TRIP12: variants seen among roughly 807,000 people sequenced by gnomAD.
TRIP12 encodes the protein thyroid hormone receptor interactor 12.
TRIP12 carries 25 observed loss-of-function variants against 244.2 expected under a neutral mutation model. The ratio of observed to expected loss-of-function variants is 0.10; its 90% confidence interval spans 0.07 to 0.14. The LOEUF (loss-of-function observed/expected upper bound fraction) is 0.14. Among genes scored for constraint, TRIP12 ranks in the 10% least tolerant of loss-of-function variants. The pLI, the probability that TRIP12 is intolerant of heterozygous loss-of-function variation, is 1.00. For synonymous variants in TRIP12, 905 were observed against 873.1 expected (o/e 1.04, Z -0.64); for missense variants, 1,677 against 2,486.4 (o/e 0.67, Z 6.92).
intron 1 of TRIP12, among the ~76,000 whole-genome samples, chr2:229,897,459 C>A (rs1174528518): frequency 6.6e-6 from 1 of 152,072 alleles, no homozygotes; most frequent in African/African-American, 2.4e-5. Context: ...ACCAGCCTGG[C>A]CAATGTGGTG....
chr2:229,850,220 C>T (rs1323999860), intron 4 of TRIP12, among the ~76,000 whole-genome samples: 1 of 152,070 alleles, frequency 6.6e-6, no homozygotes, highest in Non-Finnish European at 1.5e-5. Flanking sequence ...CAAAGCAAAG[C>T]CTTGTTAACA....
At chr2:229,780,708 C>A (rs1385986193) in intron 34 of TRIP12, among the ~76,000 whole-genome samples, 7 of 152,184 alleles carry the variant, frequency 4.6e-5, no homozygotes. Flanking sequence ...ACTCAAATGT[C>A]CTCAGACTGC....
At chr2:229,818,876 G>A (rs1217900770) in intron 8 of TRIP12, among the ~76,000 whole-genome samples, 1 of 152,094 alleles carries the variant, frequency 6.6e-6, no homozygotes, top group African/African-American at 2.4e-5. Flanking sequence ...ATAAAAACCT[G>A]TTAAACAATG....
chr2:229,859,238 C>T lies in TRIP12; in HGVS notation c.561G>A (p.Arg187=), dbSNP rs1338878327. 1.9e-6 allele frequency: 3 copies of T among 1,614,148 alleles called. No homozygotes were observed. The highest frequency in any genetic ancestry group is 2.5e-6 in the Non-Finnish European group (3 of 1,180,024). ...TCTCTGTCCTTTTTCTTTTCTGACT[C>T]CGTGAACCGCCAGTGGCCCCACTCT... ...TRKSGATGGS[R]SQKRKRTESS... is the part of the protein sequence containing the mutation. Residue 187 remains arginine (R), a synonymous_variant, in exon 4 of 42, where the codon CGG becomes CGA. Coordinates refer to ENST00000675903, the MANE Select transcript of TRIP12 (RefSeq NM_001348323.3).
intron 21 of TRIP12, among the ~76,000 whole-genome samples, chr2:229,799,989 G>C (rs542634424): frequency 6.6e-6 from 1 of 152,206 alleles, no homozygotes; most frequent in Non-Finnish European, 1.5e-5. Context: ...TAGTATATAA[G>C]TACATAAAGC....
At chr2:229,873,670 T>A (rs1054483048) in intron 2 of TRIP12, among the ~76,000 whole-genome samples, 2 of 152,202 alleles carry the variant, frequency 1.3e-5, no homozygotes, top group African/African-American at 4.8e-5. Context: ...ATAGTTTTTT[T>A]AAGTGAAAAC....
intron 17 of TRIP12, among the ~76,000 whole-genome samples, chr2:229,806,615 T>C (rs1328875295): frequency 6.6e-6 from 1 of 152,256 alleles, no homozygotes; most frequent in African/African-American, 2.4e-5. Flanking sequence ...GAAGACGACT[T>C]AGAGTTAGAG....
chr2:229,860,211 T>A (rs943630381), intron 3 of TRIP12, among the ~76,000 whole-genome samples, 195 bp downstream of exon 3: 7 of 152,220 alleles, frequency 4.6e-5, no homozygotes, highest in Admixed American at 4.6e-4. Flanking sequence ...CATTTTATCA[T>A]TGACAAACTC....
chr2:229,897,006 T>C (rs963078834), intron 1 of TRIP12, among the ~76,000 whole-genome samples: 34 of 152,228 alleles, frequency 2.2e-4, no homozygotes, highest in African/African-American at 7.7e-4. Context: ...TCACTGACTG[T>C]AACAAATGTA....
chr2:229,857,431 C>A (rs914287169), intron 4 of TRIP12, among the ~76,000 whole-genome samples: 1 of 151,996 alleles, frequency 6.6e-6, no homozygotes, highest in South Asian at 2.1e-4. Flanking sequence ...CAGTTCAAGA[C>A]CAGCCTGACC....
chr2:229,858,705 T>A, intron 4 of TRIP12, 67 bp downstream of exon 4: 1 of 1,372,586 alleles, frequency 7.3e-7, no homozygotes, highest in Non-Finnish European at 9.9e-7. Context: ...CTTTAAAGCA[T>A]AATTGCTTTT....
At chr2:229,787,731 CTT>C in intron 32 of TRIP12, 70 bp from the exon 33 acceptor site, 1 of 1,367,922 alleles carries the variant, frequency 7.3e-7, no homozygotes, top group Non-Finnish European at 9.8e-7. Flanking sequence ...AAAATCCAAA[CTT>C]ATATTAGAAA....
At chr2:229,919,293 G>A (rs941522355) in intron 1 of TRIP12, among the ~76,000 whole-genome samples, 2 of 152,092 alleles carry the variant, frequency 1.3e-5, no homozygotes, top group African/African-American at 2.4e-5. Context: ...GCGCGTGCCT[G>A]TAATCTCAGC....
rs771006173 is a variant in TRIP12 at position 229,778,831 on chromosome 2, C to T, written c.5209+45G>A. 7 of 1,547,854 alleles carry T rather than the reference C, an allele frequency of 4.5e-6. No homozygotes were observed. The South Asian group carries it at 5.6e-5, about 12-fold the overall frequency. On this transcript the variant is annotated intron_variant, in intron 35 of 41. Coordinates refer to ENST00000675903, the MANE Select transcript of TRIP12 (RefSeq NM_001348323.3). This position sits in a 1 kb window ranked among gnomAD's most constrained non-coding sequence, Gnocchi z 4.1. ...CTAATAAACTGTCAGAGTCCATTACCTGATCTGAGTAACACAAACCAACTA... is the reference window on the plus strand; with the variant it reads ...CTAATAAACTGTCAGAGTCCATTACTTGATCTGAGTAACACAAACCAACTA...
intron 1 of TRIP12, among the ~76,000 whole-genome samples, chr2:229,895,887 C>G (rs2068677520): frequency 1.3e-5 from 2 of 152,070 alleles, no homozygotes. Context: ...ACATGTAGAG[C>G]TGTGCAGGAG....
intron 8 of TRIP12, among the ~76,000 whole-genome samples, chr2:229,826,359 AAG>A (rs995857595): frequency 3.9e-5 from 6 of 152,324 alleles, no homozygotes; most frequent in Admixed American, 2.6e-4. Context: ...ACTCAATCTG[AAG>A]AGGTCTCTAG....
intron 1 of TRIP12, among the ~76,000 whole-genome samples, chr2:229,887,829 C>T (rs906052620): frequency 3.3e-5 from 5 of 152,104 alleles, no homozygotes; most frequent in Non-Finnish European, 5.9e-5. Flanking sequence ...TTTAATTTTG[C>T]TATTATATTT....
At chr2:229,831,768 G>A (rs2053455542) in intron 6 of TRIP12, among the ~76,000 whole-genome samples, 1 of 151,852 alleles carries the variant, frequency 6.6e-6, no homozygotes, top group African/African-American at 2.4e-5. Context: ...CTAAGCTAAT[G>A]GAGGTAGAGT....
rs576448528 is a variant in TRIP12 at position 229,916,161 on chromosome 2, C to G, written c.-50+5719G>C. On this transcript the variant is annotated intron_variant, in intron 1 of 41. Coordinates refer to ENST00000675903, the MANE Select transcript of TRIP12 (RefSeq NM_001348323.3). ...TACAGAATGTCTAGCATATAAATGA[C>G]AACTGACTCTACATTAGGTGGTAAT... Among the ~76,000 whole-genome samples the G allele has an allele frequency of 7.2e-5, 11 of 152,258 alleles. 1 individual carries two copies. The highest frequency in any genetic ancestry group is 2.6e-4 in the Admixed American group (4 of 15,278).
Sources: gnomAD v4.1 joint callset for allele counts (sites outside exome capture counted in the v4.1 genomes callset) on GRCh38, gnomAD v4.1.1 for gene constraint, Gnocchi (gnomAD v3.1) non-coding constraint, MANE v1.5 for transcripts, NCBI Gene and HGNC (gene_info 2026-07-23, HGNC 2026-07-21) for gene names.